The following DRD3 variants were observed in gnomAD, a reference collection of about 807,000 sequenced individuals.
DRD3 encodes D(3) dopamine receptor.
Under a neutral mutation model 36.3 loss-of-function variants are expected in DRD3, and 19 were observed. The ratio of observed to expected loss-of-function variants is 0.52; its 90% CI spans 0.36 to 0.77. The LOEUF (loss-of-function observed/expected upper bound fraction) is 0.77. DRD3 is among the 30% of genes least tolerant of loss of function. The pLI is 0.00. For missense variants in DRD3, 465 were observed against 505.3 expected (o/e 0.92, Z 0.77); for synonymous variants, 195 against 203.7 (o/e 0.96, Z 0.36).
At chr3:114,156,468 C>T (rs564218021) in intron 3 of DRD3, among the ~76,000 whole-genome samples, 155 of 151,394 alleles carry the variant, frequency 1.0e-3, no homozygotes, top group Non-Finnish European at 1.8e-3. Context: ...GACCTTTTGC[C>T]GTTTTTTTTT....
At chr3:114,183,275 A>G (rs1332117596), upstream of DRD3, among the ~76,000 whole-genome samples, 2 of 152,172 alleles carry the variant, frequency 1.3e-5, no homozygotes, top group African/African-American at 4.8e-5. Flanking sequence ...TCCTCCCATT[A>G]TGATCAGGGA....
chr3:114,152,518 T>A (rs2077626914), intron 3 of DRD3, among the ~76,000 whole-genome samples: 1 of 152,236 alleles, frequency 6.6e-6, no homozygotes, highest in Non-Finnish European at 1.5e-5. Flanking sequence ...TGCTCTTTTT[T>A]AAACATGATT....
intron 4 of DRD3, among the ~76,000 whole-genome samples, chr3:114,146,141 T>A (rs2077567791): frequency 6.6e-6 from 1 of 152,186 alleles, no homozygotes; most frequent in Non-Finnish European, 1.5e-5. Flanking sequence ...CAAATGACAC[T>A]TGGAAGATTA....
intron 2 of DRD3, among the ~76,000 whole-genome samples, chr3:114,165,002 C>G (rs751869589): frequency 1.3e-5 from 2 of 152,192 alleles, no homozygotes; most frequent in Non-Finnish European, 2.9e-5. Flanking sequence ...CCACCCACCT[C>G]GGCCTCCCGA....
At chr3:114,140,909 C>A (rs1031844107) in intron 4 of DRD3, among the ~76,000 whole-genome samples, 1 of 152,182 alleles carries the variant, frequency 6.6e-6, no homozygotes, top group Non-Finnish European at 1.5e-5. Context: ...CCATGTAGGA[C>A]CCTTATTCTG....
intron 5 of DRD3, among the ~76,000 whole-genome samples, chr3:114,133,835 T>G (rs548118774): frequency 4.7e-4 from 72 of 152,268 alleles, no homozygotes; most frequent in African/African-American, 1.6e-3. Context: ...AAGCCAGATA[T>G]TCACTTCATA....
chr3:114,199,000 C>A (rs2078051343), intron 1 of DRD3, among the ~76,000 whole-genome samples: 1 of 152,232 alleles, frequency 6.6e-6, no homozygotes, highest in Admixed American at 6.5e-5. Context: ...TCACTTCAAC[C>A]TCCCAAAGCA....
At chr3:114,139,810 G>A (rs2077508978) in intron 4 of DRD3, 114 bp from the exon 5 acceptor site, 2 of 969,490 alleles carry the variant, frequency 2.1e-6, no homozygotes. Context: ...TGCACAGGGG[G>A]TGGGAAGGAT....
At position 114,171,722 on chromosome 3, in the gene DRD3, C is replaced by G; in HGVS notation, c.270+1G>C. 1 of 1,596,636 alleles carries G rather than the reference C, an allele frequency of 6.3e-7. No individual in the cohort carries two copies. The highest frequency in any genetic ancestry group is 8.5e-7 in the Non-Finnish European group (1 of 1,171,040). ...ACAACATGCACCTGAAGTCTACTCA[C>G]CTCCAGGTATACCACCCAGGGCATC... is the stretch of plus-strand genomic sequence containing the variant. On this transcript the variant is annotated splice_donor_variant, in intron 2 of 6. Coordinates refer to ENST00000383673, the MANE Select transcript of DRD3 (RefSeq NM_000796.6). LOFTEE classifies it high-confidence loss of function.
At chr3:114,137,507 T>C (rs2077484615) in intron 5 of DRD3, among the ~76,000 whole-genome samples, 1 of 152,240 alleles carries the variant, frequency 6.6e-6, no homozygotes, top group African/African-American at 2.4e-5. Context: ...GAGTCTGACC[T>C]TCATTCATAC....
At chr3:114,195,176 A>G (rs191111167) in intron 1 of DRD3, among the ~76,000 whole-genome samples, 2 of 152,322 alleles carry the variant, frequency 1.3e-5, no homozygotes, top group Admixed American at 6.5e-5. Context: ...ATCTGCTACT[A>G]AATACCAGTA....
chr3:114,143,855 A>G (rs2077548275), intron 4 of DRD3, among the ~76,000 whole-genome samples: 3 of 152,254 alleles, frequency 2.0e-5, no homozygotes, highest in Admixed American at 2.0e-4. Flanking sequence ...AACTCTTATC[A>G]TCAGCTTATT....
chr3:114,160,832 G>A (rs1270185545), intron 2 of DRD3, among the ~76,000 whole-genome samples: 1 of 151,238 alleles, frequency 6.6e-6, no homozygotes, highest in East Asian at 2.0e-4. Flanking sequence ...TGGGGAAAAG[G>A]GCTGGATTCT....
chr3:114,197,281 T>G, intron 1 of DRD3, among the ~76,000 whole-genome samples: 1 of 138,176 alleles, frequency 7.2e-6, no homozygotes, highest in Admixed American at 7.2e-5. Context: ...AAAAAAATTT[T>G]TTTTTTTTTT....
At chr3:114,180,984 C>G (rs994439951), upstream of DRD3, among the ~76,000 whole-genome samples, 1 of 152,124 alleles carries the variant, frequency 6.6e-6, no homozygotes. Flanking sequence ...TTTCAGTATC[C>G]TATGTTTATT....
At chr3:114,175,242 G>A (rs1234884266) in intron 1 of DRD3, among the ~76,000 whole-genome samples, 1 of 152,130 alleles carries the variant, frequency 6.6e-6, no homozygotes, top group African/African-American at 2.4e-5. Context: ...CATAATGTCT[G>A]GCACATAGCA....
At chr3:114,173,358 AT>A (rs1559999118) in intron 1 of DRD3, among the ~76,000 whole-genome samples, 1 of 152,170 alleles carries the variant, frequency 6.6e-6, no homozygotes, top group Non-Finnish European at 1.5e-5. Flanking sequence ...CTATAGAATG[AT>A]GTTGTAACCT....
chr3:114,155,551 C>CT (rs1156890200), intron 3 of DRD3, among the ~76,000 whole-genome samples: 1 of 152,122 alleles, frequency 6.6e-6, no homozygotes, highest in African/African-American at 2.4e-5. Flanking sequence ...CAAAATGGTG[C>CT]TCTTGTGCAA....
At chr3:114,188,035 G>C (rs1357315055) in intron 1 of DRD3, among the ~76,000 whole-genome samples, 1 of 151,958 alleles carries the variant, frequency 6.6e-6, no homozygotes, top group East Asian at 1.9e-4. Context: ...TCTCCATATA[G>C]GTATCCAAGT....
Sources: gnomAD v4.1 joint callset for allele counts (sites outside exome capture counted in the v4.1 genomes callset) on GRCh38, gnomAD v4.1.1 for gene constraint, MANE v1.5 for transcripts, NCBI Gene and HGNC (gene_info 2026-07-23, HGNC 2026-07-21) for gene names.